SULF1: variants seen among roughly 807,000 people sequenced by gnomAD.
SULF1 encodes sulfatase 1.
A neutral mutation model predicts 110.5 loss-of-function variants in SULF1; 46 were observed. The ratio of observed to expected loss-of-function variants is 0.42; its 90% confidence interval spans 0.33 to 0.53. The LOEUF is 0.53. Ranked by LOEUF, SULF1 falls within the 20% of genes least tolerant of loss-of-function variation. SULF1 has a pLI of 0.12. For missense variants in SULF1, 941 were observed against 1,094.2 expected (o/e 0.86, Z 1.98); for synonymous variants, 371 against 387.1 (o/e 0.96, Z 0.49).
intron 3 of SULF1, among the ~76,000 whole-genome samples, chr8:69,556,059 T>C (rs974291136): frequency 6.6e-6 from 1 of 152,202 alleles, no homozygotes; most frequent in African/African-American, 2.4e-5. Flanking sequence ...AGAAAGATTA[T>C]GTTTCTTCGT....
intron 8 of SULF1, among the ~76,000 whole-genome samples, chr8:69,593,933 G>A (rs754300018): frequency 5.9e-5 from 9 of 152,166 alleles, no homozygotes; most frequent in African/African-American, 9.7e-5. Flanking sequence ...GACAAAAGCC[G>A]TGACAGGGAA....
chr8:69,482,923 C>T (rs889811598), intron 1 of SULF1, among the ~76,000 whole-genome samples: 5 of 151,956 alleles, frequency 3.3e-5, no homozygotes, highest in Non-Finnish European at 5.9e-5. Flanking sequence ...GTGGATTAAA[C>T]CAACCTTGGA....
rs1808003314 is a variant in SULF1, at chr8:69,603,582, T to C, written c.1191-18T>C. ...AACGTCCAGATGCCAAAAGTAAATA[T>C]TATCATTTTGCTTTCAGGTTTCGAA... On this transcript the variant is annotated intron_variant, in intron 11 of 22. Transcript: ENST00000402687. The C allele has an allele frequency of 6.2e-7, 1 of 1,605,088 alleles. No individual in the cohort carries two copies. Among genetic ancestry groups the C allele is most frequent in the Non-Finnish European group, 8.5e-7 (1 of 1,171,792 alleles).
intron 1 of SULF1, among the ~76,000 whole-genome samples, chr8:69,494,773 C>T (rs1182338087): frequency 6.6e-6 from 1 of 151,684 alleles, no homozygotes; most frequent in Admixed American, 6.6e-5. Context: ...TTAGCTACTC[C>T]GGTGACTGAG....
At chr8:69,649,314 A>C (rs570747815) in intron 22 of SULF1, among the ~76,000 whole-genome samples, 29 of 152,246 alleles carry the variant, frequency 1.9e-4, no homozygotes, top group Non-Finnish European at 3.8e-4. Context: ...TTTGCAAGTA[A>C]TTTGCAAACA....
At chr8:69,490,102 CTTT>C (rs59483735), upstream of SULF1, among the ~76,000 whole-genome samples, 90 of 117,150 alleles carry the variant, frequency 7.7e-4, no homozygotes, top group Admixed American at 3.0e-3. Context: ...CCATACTTTT[CTTT>C]TTTTTTTTTT....
intron 3 of SULF1, among the ~76,000 whole-genome samples, chr8:69,523,765 G>A (rs1311669596): frequency 2.0e-5 from 3 of 152,222 alleles, no homozygotes; most frequent in East Asian, 3.9e-4. Flanking sequence ...GAAGAGCCCT[G>A]CCTTGTCAAA....
chr8:69,508,008 T>G (rs1167364815), intron 3 of SULF1, among the ~76,000 whole-genome samples: 1 of 152,226 alleles, frequency 6.6e-6, no homozygotes, highest in Non-Finnish European at 1.5e-5. Context: ...GAAGGAGTCC[T>G]TTTTTGGCAG....
At chr8:69,601,427 C>A (rs1034010362) in intron 9 of SULF1, among the ~76,000 whole-genome samples, 4 of 152,012 alleles carry the variant, frequency 2.6e-5, no homozygotes, top group African/African-American at 9.7e-5. Flanking sequence ...AAACAAAAAG[C>A]CTAAAAGTAG....
chr8:69,644,353 AG>A (rs2130702529), intron 22 of SULF1, among the ~76,000 whole-genome samples: 1 of 152,368 alleles, frequency 6.6e-6, no homozygotes, highest in East Asian at 1.9e-4. Flanking sequence ...TCATTGGTAA[AG>A]GATAATGCTG....
rs148477963 is a variant in SULF1, at chr8:69,534,593, A to G, written c.-133-28946A>G. 3.3e-3 allele frequency among the ~76,000 whole-genome samples: 495 copies of G among 152,304 alleles called. 15 individuals are homozygous for G. Among genetic ancestry groups the G allele is most frequent in the Admixed American group, 0.031 (475 of 15,294 alleles). ...CTTCTACTTACATGTTTTATTACCA[A>G]TTCACACTTAACATTGGTGAAGTAA... is the stretch of plus-strand genomic sequence containing the variant. On this transcript the variant is annotated intron_variant, in intron 3 of 22. Coordinates refer to ENST00000402687, the MANE Select transcript of SULF1 (RefSeq NM_001128205.2).
intron 19 of SULF1, 164 bp from the exon 20 acceptor site, chr8:69,638,338 C>T: frequency 3.8e-6 from 3 of 788,624 alleles, no homozygotes; most frequent in South Asian, 1.9e-5. Flanking sequence ...GCAAATTTAC[C>T]TACGGGGGGA....
At chr8:69,628,272 T>C (rs1810255532) in intron 18 of SULF1, 36 bp downstream of exon 18, 1 of 1,566,466 alleles carries the variant, frequency 6.4e-7, no homozygotes, top group African/African-American at 1.4e-5. Context: ...TTGCTGGGAG[T>C]CAATGACTGT....
intron 1 of SULF1, among the ~76,000 whole-genome samples, chr8:69,468,403 A>G (rs1051743680): frequency 3.3e-5 from 5 of 152,218 alleles, no homozygotes; most frequent in Non-Finnish European, 7.3e-5. Context: ...TAATTTTTTT[A>G]AAATCCTTTT....
Position 69,493,000 on chromosome 8 carries a change from G to A in SULF1, c.-516G>A, listed in dbSNP as rs1279501638. On this transcript the variant is annotated 5_prime_UTR_variant, in exon 1 of 23. Transcript: ENST00000402687. ...CCGGCGCTCCTCGGAGGTCAGGGCA[G>A]ATGAGGAACATGACTCTCCCCCTTC... is the stretch of plus-strand genomic sequence containing the variant. 2.6e-5 allele frequency: 4 copies of A among 152,678 alleles called. No individual in the cohort carries two copies. In the South Asian group the frequency reaches 6.2e-4, roughly 24 times the overall value. 9.5% of individuals were successfully genotyped at this position (152,678 alleles called of 1,614,324 possible). A position where few individuals can be genotyped will look rare whatever the true frequency, so the allele number is the denominator to read the frequency against.
intron 3 of SULF1, among the ~76,000 whole-genome samples, chr8:69,548,261 A>G (rs556953972): frequency 1.3e-5 from 2 of 152,216 alleles, no homozygotes; most frequent in Non-Finnish European, 2.9e-5. Flanking sequence ...AAGTGTAAAC[A>G]TGCCAATGAT....
intron 22 of SULF1, among the ~76,000 whole-genome samples, chr8:69,652,147 C>A (rs944571384): frequency 6.6e-6 from 1 of 152,148 alleles, no homozygotes; most frequent in Non-Finnish European, 1.5e-5. Flanking sequence ...TTCTCTACCC[C>A]TCCTTCCTAC....
intron 22 of SULF1, among the ~76,000 whole-genome samples, chr8:69,652,025 A>AT (rs2130736204): frequency 6.6e-6 from 1 of 152,262 alleles, no homozygotes; most frequent in South Asian, 2.1e-4. Flanking sequence ...GGCTGCCTGC[A>AT]TTCCTCATTC....
upstream of SULF1, among the ~76,000 whole-genome samples, chr8:69,492,582 C>T (rs533835242): frequency 1.3e-5 from 2 of 152,162 alleles, no homozygotes; most frequent in African/African-American, 4.8e-5. Context: ...GCCTGGAAAC[C>T]CTGAGCCCCT....
Sources: allele counts gnomAD v4.1 joint callset (sites outside exome capture counted in the v4.1 genomes callset), GRCh38; gene constraint gnomAD v4.1.1; transcripts MANE v1.5; gene names NCBI Gene and HGNC (gene_info 2026-07-23, HGNC 2026-07-21).